Variants in SYNE2 observed in about 807,000 individuals in gnomAD.
SYNE2 encodes the protein nesprin-2.
A neutral mutation model predicts 856.3 loss-of-function variants in SYNE2; 431 were observed. The ratio of observed to expected loss-of-function variants is 0.50; its 90% confidence interval spans 0.47 to 0.55. SYNE2 has a LOEUF of 0.55. SYNE2 is among the 20% of genes least tolerant of loss of function. The pLI is 0.00. For synonymous variants in SYNE2, 2,923 were observed against 2,872.3 expected (o/e 1.02, Z -0.56); for missense variants, 8,129 against 8,023.2 (o/e 1.01, Z -0.50).
At chr14:64,035,515 A>ATTTTTTTTT (rs35030710) in intron 45 of SYNE2, among the ~76,000 whole-genome samples, 1 of 121,712 alleles carries the variant, frequency 8.2e-6, no homozygotes, top group Non-Finnish European at 1.7e-5. Flanking sequence ...TACATGGTAC[A>ATTTTTTTTT]TTTTTTTTTT....
At chr14:63,934,600 G>C (rs529158842) in intron 2 of SYNE2, among the ~76,000 whole-genome samples, 1 of 151,930 alleles carries the variant, frequency 6.6e-6, no homozygotes, top group South Asian at 2.1e-4. Context: ...GGTGGGCATG[G>C]ATTGGGAAGA....
chr14:64,142,544 C>G (rs1243100238), intron 82 of SYNE2, among the ~76,000 whole-genome samples: 1 of 152,138 alleles, frequency 6.6e-6, no homozygotes, highest in African/African-American at 2.4e-5. Context: ...CAAATCCACC[C>G]CTGACTCTCC....
At chr14:64,130,920 A>T (rs543602348) in intron 76 of SYNE2, among the ~76,000 whole-genome samples, 1 of 152,158 alleles carries the variant, frequency 6.6e-6, no homozygotes, top group East Asian at 1.9e-4. Flanking sequence ...CTTTCCTGAG[A>T]ACTAGAATCA....
At chr14:64,065,687 A>G (rs1169973220) in intron 51 of SYNE2, 37 bp downstream of exon 51, 1 of 1,606,280 alleles carries the variant, frequency 6.2e-7, no homozygotes. Flanking sequence ...TGTAGTTTCT[A>G]ACATGTTATT....
At chr14:64,130,993 T>C (rs1418734984) in intron 76 of SYNE2, among the ~76,000 whole-genome samples, 3 of 152,156 alleles carry the variant, frequency 2.0e-5, no homozygotes, top group Non-Finnish European at 4.4e-5. Context: ...TTAAAATTCA[T>C]TTCATTAAAC....
intron 100 of SYNE2, 103 bp from the exon 101 acceptor site, chr14:64,208,655 C>A (rs1426676154): frequency 8.4e-7 from 1 of 1,189,466 alleles, no homozygotes; most frequent in African/African-American, 1.5e-5. Context: ...AGGGAAGTAT[C>A]CCCTGAGCTG....
At chr14:63,812,602 A>G (rs1888656018) in intron 1 of SYNE2, among the ~76,000 whole-genome samples, 1 of 152,230 alleles carries the variant, frequency 6.6e-6, no homozygotes, top group Non-Finnish European at 1.5e-5. Flanking sequence ...TGAAATCTTC[A>G]CAATTTATGT....
intron 1 of SYNE2, among the ~76,000 whole-genome samples, chr14:63,900,856 GTGGAC>G (rs2095327635): frequency 1.3e-5 from 2 of 152,212 alleles, no homozygotes; most frequent in African/African-American, 4.8e-5. Context: ...GAGCTTGTAA[GTGGAC>G]TGTCAATTGC....
At chr14:64,148,932 A>G (rs376064013) in intron 84 of SYNE2, among the ~76,000 whole-genome samples, 15 of 151,310 alleles carry the variant, frequency 9.9e-5, no homozygotes, top group African/African-American at 3.6e-4. Context: ...GAATATATCT[A>G]TTAATAGACC....
chr14:64,179,167 CCTT>C (rs2098447510), intron 96 of SYNE2, among the ~76,000 whole-genome samples: 2 of 152,162 alleles, frequency 1.3e-5, no homozygotes, highest in African/African-American at 2.4e-5. Context: ...GACAGAGTCT[CCTT>C]CTGTCACCCA....
At chr14:64,012,212 C>T (rs899741499) in intron 32 of SYNE2, among the ~76,000 whole-genome samples, 5 of 152,196 alleles carry the variant, frequency 3.3e-5, no homozygotes, top group Admixed American at 6.5e-5. Context: ...GCACCCTCCC[C>T]GCTACCTCGT....
intron 1 of SYNE2, among the ~76,000 whole-genome samples, chr14:63,835,083 C>T (rs1026558794): frequency 6.6e-6 from 1 of 151,996 alleles, no homozygotes; most frequent in African/African-American, 2.4e-5. Context: ...CTATTGACGG[C>T]ATATTATGTG....
intron 1 of SYNE2, among the ~76,000 whole-genome samples, chr14:63,779,045 C>A (rs763364170): frequency 6.6e-6 from 1 of 151,974 alleles, no homozygotes; most frequent in Non-Finnish European, 1.5e-5. Flanking sequence ...ACAGGCCAGA[C>A]GCAGTGGCTC....
At chr14:64,068,026 C>G (rs1045380205) in intron 51 of SYNE2, among the ~76,000 whole-genome samples, 2 of 152,068 alleles carry the variant, frequency 1.3e-5, no homozygotes, top group Non-Finnish European at 2.9e-5. Context: ...TGACCGTGAA[C>G]CTGAAAGTTT....
chr14:64,026,775 G>T, intron 42 of SYNE2, 45 bp downstream of exon 42: 1 of 1,572,036 alleles, frequency 6.4e-7, no homozygotes, highest in Non-Finnish European at 8.6e-7. Flanking sequence ...CCATTGCCCA[G>T]TGAAGCCATA....
Position 64,052,210 on chromosome 14 carries a change from G to A in SYNE2, c.8297G>A (p.Arg2766Lys), listed in dbSNP as rs2097232722. The part of the protein sequence containing the change: ...LLPDDILSQI[R>K]KCKVTHDGIL... ...CCAGATGACATTCTTTCACAGATCA[G>A]AAAGTGCAAAGTGACACATGATGGC... The change falls in exon 48 of 116, where the codon AGA becomes AAA. Residue 2766 changes from arginine to lysine, a missense_variant. This residue lies in a region of SYNE2 where 5,410 missense variants were observed against 5,284.8 expected (regional missense o/e 1.02). Coordinates refer to ENST00000555002, the MANE Select transcript of SYNE2 (RefSeq NM_182914.3). The A allele has an allele frequency of 6.2e-7, 1 of 1,614,074 alleles. No individual in the cohort carries two copies. Among genetic ancestry groups the A allele is most frequent in the Admixed American group, 1.7e-5 (1 of 60,000 alleles).
chr14:63,913,344 TG>T (rs2095495642), intron 2 of SYNE2, among the ~76,000 whole-genome samples: 1 of 152,174 alleles, frequency 6.6e-6, no homozygotes, highest in South Asian at 2.1e-4. Context: ...TTTATGAATT[TG>T]AGTGGGTTTC....
chr14:64,225,625 TC>T lies in SYNE2; in HGVS notation c.*102del. On this transcript the variant is annotated 3_prime_UTR_variant, in exon 116 of 116. Transcript: ENST00000555002. ...TCTGAGTGACTTAGTGTTGGCAAGG[TC>T]CCGGGACCTGTGCAGACTTCTTCTG... The T allele has an allele frequency of 3.8e-6, 5 of 1,319,502 alleles. No individual in the cohort carries two copies. Among genetic ancestry groups the T allele is most frequent in the Non-Finnish European group, 5.4e-6 (5 of 933,092 alleles). The allele number at this position is 1,319,502 out of a possible 1,614,324, so 81.7% of individuals were successfully genotyped here.
chr14:64,021,554 T>C (rs1334088337), intron 36 of SYNE2, 39 bp downstream of exon 36: 23 of 1,607,136 alleles, frequency 1.4e-5, no homozygotes, highest in Non-Finnish European at 1.7e-5. Context: ...TTCAGATTTA[T>C]TTTCACACTA....
Sources: gnomAD v4.1 joint callset for allele counts (sites outside exome capture counted in the v4.1 genomes callset) on GRCh38, gnomAD v4.1.1 for gene constraint, gnomAD v4.1.1 regional missense constraint, MANE v1.5 for transcripts, NCBI Gene and HGNC (gene_info 2026-07-23, HGNC 2026-07-21) for gene names.